Variants in VAPA observed in about 807,000 individuals in gnomAD.
VAPA encodes vesicle-associated membrane protein-associated protein A.
Under a neutral mutation model 25.6 loss-of-function variants are expected in VAPA, and 6 were observed. The observed-to-expected ratio is 0.23, with a 90% CI of 0.13 to 0.46. The LOEUF (loss-of-function observed/expected upper bound fraction) is 0.46. VAPA is among the 20% of genes least tolerant of loss of function. VAPA has a pLI of 0.99. For synonymous variants in VAPA, 112 were observed against 106.2 expected (o/e 1.05, Z -0.34); for missense variants, 244 against 302.1 (o/e 0.81, Z 1.43).
At chr18:9,939,027 C>T (rs1198256876) in intron 4 of VAPA, among the ~76,000 whole-genome samples, 1 of 152,082 alleles carries the variant, frequency 6.6e-6, no homozygotes, top group Non-Finnish European at 1.5e-5. Flanking sequence ...GTTTTAATGA[C>T]AATACTGTTA....
chr18:9,933,683 G>A (rs1316243566), intron 2 of VAPA, among the ~76,000 whole-genome samples: 11 of 152,108 alleles, frequency 7.2e-5, no homozygotes, highest in African/African-American at 2.2e-4. Flanking sequence ...GATTACGGGC[G>A]TGTGCCAACA....
chr18:9,936,264 T>C, intron 3 of VAPA, 51 bp downstream of exon 3: 1 of 1,250,442 alleles, frequency 8.0e-7, no homozygotes, highest in Non-Finnish European at 1.1e-6. Flanking sequence ...AAACTGTGGG[T>C]GTTGTTTAGC....
intron 1 of VAPA, chr18:9,924,093 A>G (rs2069180102): frequency 6.6e-6 from 1 of 152,038 alleles, no homozygotes; most frequent in Non-Finnish European, 1.5e-5. Flanking sequence ...GTGTATAATT[A>G]TATATTTGTA....
chr18:9,946,695 T>C (rs1312939701), intron 4 of VAPA, among the ~76,000 whole-genome samples: 1 of 152,006 alleles, frequency 6.6e-6, no homozygotes, highest in Non-Finnish European at 1.5e-5. Flanking sequence ...GGAAGTTGTT[T>C]TGGGTGGGTC....
chr18:9,943,580 T>A (rs1055775629), intron 4 of VAPA, among the ~76,000 whole-genome samples: 2 of 152,190 alleles, frequency 1.3e-5, no homozygotes, highest in African/African-American at 2.4e-5. Context: ...AAAGCGCTGT[T>A]GTACAAAATA....
intron 1 of VAPA, among the ~76,000 whole-genome samples, chr18:9,922,660 G>A (rs931583001): frequency 6.6e-6 from 1 of 151,990 alleles, no homozygotes; most frequent in African/African-American, 2.4e-5. Flanking sequence ...AGGTCATATG[G>A]ACTGGGAGAC....
chr18:9,923,804 A>T (rs621001), intron 1 of VAPA: 1 of 152,192 alleles, frequency 6.6e-6, no homozygotes, highest in Non-Finnish European at 1.5e-5. Context: ...AGGATTTTAC[A>T]AGTAAGAGGA....
intron 1 of VAPA, among the ~76,000 whole-genome samples, chr18:9,931,518 T>A (rs1890490038): frequency 6.6e-6 from 1 of 152,212 alleles, no homozygotes; most frequent in African/African-American, 2.4e-5. Context: ...CAACATACTG[T>A]AAAAATACAG....
intron 5 of VAPA, chr18:9,951,265 A>C (rs1363181773): frequency 6.6e-6 from 1 of 152,290 alleles, no homozygotes; most frequent in African/African-American, 2.4e-5. Context: ...GTGACTGGAA[A>C]GGCCCAGAAC....
At chr18:9,922,632 A>G (rs1361762322) in intron 1 of VAPA, among the ~76,000 whole-genome samples, 1 of 152,058 alleles carries the variant, frequency 6.6e-6, no homozygotes, top group Non-Finnish European at 1.5e-5. Flanking sequence ...ATAGATGGTT[A>G]TAGGTTTCAG....
rs2069554752 is a variant in VAPA, at chr18:9,956,679, A to G, written c.*2468A>G. The G allele has an allele frequency of 6.6e-6, 1 of 152,650 alleles. No individual in the cohort carries two copies. Among genetic ancestry groups the G allele is most frequent in the African/African-American group, 2.4e-5 (1 of 41,456 alleles). The allele number at this position is 152,650 out of a possible 1,614,324, so 9.5% of individuals were successfully genotyped here. ...AGTTATAGTTTGAAAGTCCAACTGT[A>G]TTAATTGACTGATAATATGATAATA... On this transcript the variant is annotated 3_prime_UTR_variant, in exon 6 of 6. Transcript: ENST00000400000.
At chr18:9,914,606 C>T (rs2143260545) in intron 1 of VAPA, 1 of 156,494 alleles carries the variant, frequency 6.4e-6, no homozygotes, top group Non-Finnish European at 1.4e-5. Context: ...CTGGCGCCGC[C>T]GCCGCCGCCA....
intron 4 of VAPA, chr18:9,944,980 C>G (rs1420355648): frequency 6.2e-7 from 1 of 1,614,204 alleles, no homozygotes; most frequent in East Asian, 2.2e-5. Flanking sequence ...GCATCAACAA[C>G]ACAGTTGCAA....
intron 1 of VAPA, among the ~76,000 whole-genome samples, chr18:9,927,625 C>T (rs1460831058): frequency 6.6e-6 from 1 of 151,990 alleles, no homozygotes; most frequent in Non-Finnish European, 1.5e-5. Context: ...AAGGGTATTT[C>T]CTGCTGGAAA....
chr18:9,917,656 A>G (rs1309198222), intron 1 of VAPA, among the ~76,000 whole-genome samples: 1 of 152,220 alleles, frequency 6.6e-6, no homozygotes, highest in Non-Finnish European at 1.5e-5. Context: ...ATATATTCTT[A>G]ATGATCAGAG....
intron 1 of VAPA, among the ~76,000 whole-genome samples, chr18:9,917,740 C>T (rs954585714): frequency 3.9e-5 from 6 of 152,014 alleles, no homozygotes; most frequent in African/African-American, 1.5e-4. Flanking sequence ...AAATTAAGCT[C>T]TCTGAGGGAT....
chr18:9,924,428 A>G (rs373333479), intron 1 of VAPA, among the ~76,000 whole-genome samples: 17 of 152,320 alleles, frequency 1.1e-4, no homozygotes, highest in African/African-American at 4.1e-4. Context: ...TTGGAAGTTT[A>G]GAGTGGAGGG....
chr18:9,950,024 C>A, intron 4 of VAPA: 1 of 176,796 alleles, frequency 5.7e-6, no homozygotes, highest in Non-Finnish European at 1.2e-5. Flanking sequence ...AAATGACCTT[C>A]AATGGATTTT....
At chr18:9,946,288 T>C (rs570013346) in intron 4 of VAPA, among the ~76,000 whole-genome samples, 2 of 152,294 alleles carry the variant, frequency 1.3e-5, no homozygotes, top group East Asian at 3.9e-4. Context: ...TGCCTTTTGC[T>C]CCTAGGCTAC....
Sources: allele counts gnomAD v4.1 joint callset (sites outside exome capture counted in the v4.1 genomes callset), GRCh38; gene constraint gnomAD v4.1.1; transcripts MANE v1.5; gene names NCBI Gene and HGNC (gene_info 2026-07-23, HGNC 2026-07-21).